TBC1D16: variants seen among roughly 807,000 people sequenced by gnomAD.
The protein encoded by TBC1D16 is CTD-2529O21.1.
In TBC1D16, 58 loss-of-function variants were observed where a neutral mutation model predicts 74.7. That is an observed-to-expected ratio of 0.78 (90% CI 0.63 to 0.97). The LOEUF (loss-of-function observed/expected upper bound fraction) is 0.97. Among genes scored for constraint, TBC1D16 ranks in the 50% least tolerant of loss-of-function variants. The probability of loss-of-function intolerance (pLI) is 0.00; values close to 1 mark genes in which losing one functional copy is unlikely to be tolerated. For synonymous variants in TBC1D16, 493 were observed against 474.7 expected, an observed-to-expected ratio of 1.04 and a Z score of -0.50; for missense variants, 1,014 against 1,079.5, an observed-to-expected ratio of 0.94 and a Z score of 0.85.
chr17:79,958,370 C>A (rs1450387731), intron 3 of TBC1D16, among the ~76,000 whole-genome samples: 2 of 152,096 alleles, frequency 1.3e-5, no homozygotes, highest in East Asian at 1.9e-4. Context: ...CAGGCGCCTG[C>A]CACCATGCCT....
At chr17:79,964,120 C>T (rs1021040056) in intron 3 of TBC1D16, among the ~76,000 whole-genome samples, 1 of 152,034 alleles carries the variant, frequency 6.6e-6, no homozygotes, top group African/African-American at 2.4e-5. Context: ...GGATTACAGA[C>T]ATGCACCACC....
At chr17:79,946,778 T>C (rs1001386740) in intron 9 of TBC1D16, among the ~76,000 whole-genome samples, 4 of 152,178 alleles carry the variant, frequency 2.6e-5, no homozygotes, top group Non-Finnish European at 2.9e-5. Context: ...GGGACTGCTC[T>C]GCTCAGCCCA....
Position 79,944,958 on chromosome 17 carries a change from G to A in TBC1D16, c.1858C>T (p.Pro620Ser). Reference sequence around the variant, plus strand: ...CAGATCCGCAGCGCTTCGGCCTCGGGGAACTCCCGCTTGAAGCACAGAAGG... The same window carrying A: ...CAGATCCGCAGCGCTTCGGCCTCGGAGAACTCCCGCTTGAAGCACAGAAGG... ...WLLLCFKREF[P>S]EAEALRIWEA... Residue 620 changes from proline (P) to serine (S), a missense_variant, in exon 10 of 12, where the codon CCC (proline) becomes TCC (serine). Physicochemically the swap from Pro to Ser is moderately conservative, Grantham distance 74. Coordinates refer to ENST00000310924, the MANE Select transcript of TBC1D16 (RefSeq NM_019020.4). The surrounding 1 kb of genome is among the most constrained non-coding windows in gnomAD (Gnocchi z 7.7). 6.4e-7 allele frequency: 1 copy of A among 1,556,926 alleles called. No individual in the cohort carries two copies. Among genetic ancestry groups the A allele is most frequent in the South Asian group, 1.2e-5 (1 of 84,410 alleles).
chr17:79,990,325 G>A lies in TBC1D16; in HGVS notation c.779+19835C>T, dbSNP rs1041643486. On this transcript the variant is annotated intron_variant, in intron 3 of 11. Transcript: ENST00000310924. The surrounding 1 kb of genome is among the most constrained non-coding windows in gnomAD (Gnocchi z 4.8). ...TGGTGGGAGCCCACGCCCCCGGCCA[G>A]CACTCTGGCCACAGCGCAGCACCTG... Among the ~76,000 whole-genome samples the A allele has an allele frequency of 2.0e-5, 3 of 152,240 alleles. No homozygotes were observed. The highest frequency in any genetic ancestry group is 4.4e-5 in the Non-Finnish European group (3 of 68,034).
In TBC1D16 at chr17:79,988,590, T is replaced by C. The variant is rs1049508774; in HGVS notation, c.779+21570A>G. ...CTGGTGAACGCACGTGCCTGCGTTC[T>C]GTACCAAACAGTTGTCAACACACAC... On this transcript the variant is annotated intron_variant, in intron 3 of 11. Transcript: ENST00000310924. The surrounding 1 kb of genome is among the most constrained non-coding windows in gnomAD (Gnocchi z 5.7). 6.6e-6 allele frequency among the ~76,000 whole-genome samples: 1 copy of C among 152,250 alleles called. No homozygotes were observed. The highest frequency in any genetic ancestry group is 1.5e-5 in the Non-Finnish European group (1 of 68,036).
intron 2 of TBC1D16, among the ~76,000 whole-genome samples, chr17:80,011,758 G>A (rs979336992): frequency 4.6e-5 from 7 of 152,020 alleles, no homozygotes; most frequent in South Asian, 4.1e-4. Flanking sequence ...CCCAGGAGAC[G>A]GAGCTTGCAG....
rs575209066 is a variant in TBC1D16 at position 79,995,271 on chromosome 17, G to A, written c.779+14889C>T. ...GCTGAGATCGCACCACGGCACTCCA[G>A]TTTGGGTGACAAACTGAGACTCCGT... On this transcript the variant is annotated intron_variant, in intron 3 of 11. Transcript: ENST00000310924. Among the ~76,000 whole-genome samples the A allele has an allele frequency of 1.5e-4, 22 of 151,032 alleles. No individual in the cohort carries two copies. In the South Asian group the frequency reaches 4.6e-3, roughly 32 times the overall value.
At chr17:80,020,841 T>G (rs2036259054) in intron 1 of TBC1D16, among the ~76,000 whole-genome samples, 1 of 150,028 alleles carries the variant, frequency 6.7e-6, no homozygotes, top group African/African-American at 2.5e-5. Context: ...GATTTAAATC[T>G]CCACCAGGCT....
chr17:80,005,070 C>CTTGTTT (rs2035624549), intron 3 of TBC1D16, among the ~76,000 whole-genome samples: 1 of 151,368 alleles, frequency 6.6e-6, no homozygotes, highest in Non-Finnish European at 1.5e-5. Context: ...TTTTGTTGTT[C>CTTGTTT]TTGTTTTTGT....
At chr17:80,024,043 G>A (rs971806588) in intron 1 of TBC1D16, 1 of 147,634 alleles carries the variant, frequency 6.8e-6, no homozygotes, top group Non-Finnish European at 1.5e-5. Flanking sequence ...GCGAGTGCGG[G>A]CGGGGCCCAA....
Position 79,973,553 on chromosome 17 carries a change from C to A in TBC1D16, c.780-20735G>T, listed in dbSNP as rs1410729324. 2.0e-5 allele frequency among the ~76,000 whole-genome samples: 3 copies of A among 151,562 alleles called. No homozygotes were observed. In the East Asian group the frequency reaches 5.8e-4, roughly 29 times the overall value. ...TGAAACCCCGTTTCTACTAAAAATA[C>A]AAAAAAAATAGCCAGGTGTGGCGGC... On this transcript the variant is annotated intron_variant, in intron 3 of 11. Transcript: ENST00000310924.
Position 80,011,565 on chromosome 17 carries a change from G to A in TBC1D16, c.182-808C>T, listed in dbSNP as rs562982090. 4.2e-4 allele frequency among the ~76,000 whole-genome samples: 64 copies of A among 152,276 alleles called. No individual in the cohort carries two copies. In the South Asian group the frequency reaches 0.011, roughly 27 times the overall value. The stretch of plus-strand genomic sequence containing the variant: ...CATACAGCCAGGCGTGATGGCTCAC[G>A]CCTGTAATCCCAGCACTTTGGGAGG... On this transcript the variant is annotated intron_variant, in intron 2 of 11. Transcript: ENST00000310924.
At position 79,964,044 on chromosome 17, in the gene TBC1D16, T is replaced by C. The variant is rs148453425; in HGVS notation, c.780-11226A>G. On this transcript the variant is annotated intron_variant, in intron 3 of 11. Transcript: ENST00000310924. ...AGGCTGGAGTACAGTGGCATGATCT[T>C]GGCTGACAGCAACCTCTGTTTTCCA... Among the ~76,000 whole-genome samples the C allele has an allele frequency of 2.0e-3, 298 of 152,288 alleles. 1 individual carries two copies. Among genetic ancestry groups the C allele is most frequent in the African/African-American group, 6.8e-3 (282 of 41,566 alleles).
chr17:80,002,328 G>A (rs539639167), intron 3 of TBC1D16, among the ~76,000 whole-genome samples: 15 of 152,312 alleles, frequency 9.8e-5, no homozygotes, highest in Non-Finnish European at 1.3e-4. Flanking sequence ...GCTGATACTC[G>A]GTCGACAAGG....
intron 1 of TBC1D16, among the ~76,000 whole-genome samples, chr17:80,015,010 T>C (rs768105159): frequency 3.3e-5 from 5 of 151,982 alleles, no homozygotes; most frequent in African/African-American, 4.8e-5. Flanking sequence ...TGCAGCCAGT[T>C]TCTACCAACA....
At position 79,952,685 on chromosome 17, in the gene TBC1D16, G is replaced by A. The variant is rs774529074; in HGVS notation, c.913C>T (p.His305Tyr). The A allele has an allele frequency of 1.9e-6, 3 of 1,603,390 alleles. No homozygotes were observed. Among genetic ancestry groups the A allele is most frequent in the Admixed American group, 1.7e-5 (1 of 59,738 alleles). Residue 305 changes from histidine (H) to tyrosine (Y), a missense_variant, in exon 4 of 12, where the codon CAC (histidine) becomes TAC (tyrosine). Coordinates refer to ENST00000310924, the MANE Select transcript of TBC1D16 (RefSeq NM_019020.4). ...AAGAAAAGGCGGAGGGAGCGCATGTGGCCCAGGTCCACGCGGAACACGCCG... is the reference window on the plus strand; with the variant it reads ...AAGAAAAGGCGGAGGGAGCGCATGTAGCCCAGGTCCACGCGGAACACGCCG... ...ICGVFRVDLG[H>Y]MRSLRLFFSD...
At chr17:79,984,672 A>G (rs2034755087) in intron 3 of TBC1D16, among the ~76,000 whole-genome samples, 1 of 138,252 alleles carries the variant, frequency 7.2e-6, no homozygotes. Flanking sequence ...GAGACAAACA[A>G]AAGCCCTCCA....
chr17:79,962,201 ATTTTTTT>A (rs563506473), intron 3 of TBC1D16, among the ~76,000 whole-genome samples: 3 of 64,986 alleles, frequency 4.6e-5, no homozygotes, highest in East Asian at 5.9e-4. Flanking sequence ...ATCTCAACCT[ATTTTTTT>A]TTTTTTTTTT....
chr17:79,979,002 T>G lies in TBC1D16; in HGVS notation c.780-26184A>C, dbSNP rs535976157. On this transcript the variant is annotated intron_variant, in intron 3 of 11. Coordinates refer to ENST00000310924, the MANE Select transcript of TBC1D16 (RefSeq NM_019020.4). The surrounding 1 kb of genome is among the most constrained non-coding windows in gnomAD (Gnocchi z 4.8). ...TACTGGGAAGAAAACAGCCAAGAGA[T>G]TTTTCTGAACCCAAAAAGAATGTTT... 6.6e-6 allele frequency among the ~76,000 whole-genome samples: 1 copy of G among 152,156 alleles called. No individual in the cohort carries two copies. The highest frequency in any genetic ancestry group is 2.4e-5 in the African/African-American group (1 of 41,436).
Sources: allele counts gnomAD v4.1 joint callset (sites outside exome capture counted in the v4.1 genomes callset), GRCh38; gene constraint gnomAD v4.1.1; non-coding constraint Gnocchi (gnomAD v3.1); transcripts MANE v1.5; gene names NCBI Gene and HGNC (gene_info 2026-07-23, HGNC 2026-07-21).